METTL15: variants seen among roughly 807,000 people sequenced by gnomAD.
METTL15 encodes the protein 12S rRNA N(4)-cytidine methyltransferase METTL15.
In METTL15, 34 loss-of-function variants were observed where a neutral mutation model predicts 38.3. The observed-to-expected ratio is 0.89, with a 90% CI of 0.68 to 1.18. METTL15 has a LOEUF of 1.18. METTL15 is among the 50% of genes most tolerant of loss of function. The probability of loss-of-function intolerance (pLI) is 0.00; values close to 1 mark genes in which losing one functional copy is unlikely to be tolerated. For missense variants in METTL15, 438 were observed against 498.4 expected (o/e 0.88, Z 1.15); for synonymous variants, 162 against 170.9 (o/e 0.95, Z 0.41).
At chr11:28,259,250 A>T (rs1289533498) in intron 4 of METTL15, among the ~76,000 whole-genome samples, 2 of 151,974 alleles carry the variant, frequency 1.3e-5, no homozygotes, top group Non-Finnish European at 2.9e-5. Flanking sequence ...GGTTTCCAAG[A>T]TGCAAGACAA....
chr11:28,391,236 A>T (rs896102020), intron 5 of METTL15, among the ~76,000 whole-genome samples: 5 of 152,020 alleles, frequency 3.3e-5, no homozygotes, highest in African/African-American at 9.7e-5. Context: ...TCTCCTGCCT[A>T]ATTGCCCTGG....
Position 28,368,052 on chromosome 11 carries a change from A to T in METTL15, c.*358+6016A>T, listed in dbSNP as rs753174045. On this transcript the variant is annotated intron_variant and NMD_transcript_variant, in intron 5 of 7. Coordinates refer to the METTL15 transcript ENST00000532947. ...GGCATGGGCAAAGATTTCATGTCTAAAAACACCAAAAGCCATGGCAACAAA... is the reference window on the plus strand; with the variant it reads ...GGCATGGGCAAAGATTTCATGTCTATAAACACCAAAAGCCATGGCAACAAA... Among the ~76,000 whole-genome samples, 7 of 151,924 alleles carry T rather than the reference A, an allele frequency of 4.6e-5. No individual in the cohort carries two copies. The South Asian group carries it at 1.2e-3, about 27-fold the overall frequency.
chr11:28,226,312 G>T (rs899175778), intron 4 of METTL15, among the ~76,000 whole-genome samples: 1 of 151,652 alleles, frequency 6.6e-6, no homozygotes, highest in Non-Finnish European at 1.5e-5. Flanking sequence ...ATATCCTTGG[G>T]GACTATTTTT....
intron 3 of METTL15, among the ~76,000 whole-genome samples, chr11:28,209,760 A>G (rs1367620508): frequency 6.6e-6 from 1 of 151,980 alleles, no homozygotes; most frequent in Non-Finnish European, 1.5e-5. Context: ...TGCATGCCCA[A>G]TTTCTGACCA....
At chr11:28,213,042 G>A (rs1852707871) in intron 4 of METTL15, among the ~76,000 whole-genome samples, 1 of 151,976 alleles carries the variant, frequency 6.6e-6, no homozygotes. Flanking sequence ...TAGATGAAGT[G>A]ATTTGCTAAA....
At chr11:28,159,252 G>A (rs535216277) in intron 3 of METTL15, among the ~76,000 whole-genome samples, 66 of 152,214 alleles carry the variant, frequency 4.3e-4, no homozygotes, top group Non-Finnish European at 7.9e-4. Flanking sequence ...CTATGAAGAT[G>A]AAATCAGTCT....
intron 6 of METTL15, among the ~76,000 whole-genome samples, chr11:28,441,015 G>C (rs1242005141): frequency 1.3e-5 from 2 of 151,622 alleles, no homozygotes; most frequent in African/African-American, 4.8e-5. Context: ...TTTTTGTGGG[G>C]GCGGGGCAGG....
At chr11:28,283,989 A>G (rs1018651148) in intron 4 of METTL15, among the ~76,000 whole-genome samples, 1 of 152,210 alleles carries the variant, frequency 6.6e-6, no homozygotes, top group Non-Finnish European at 1.5e-5. Context: ...AAAAGTGGGC[A>G]TGTAATCTGC....
At chr11:28,233,689 C>A (rs1203622740) in intron 4 of METTL15, among the ~76,000 whole-genome samples, 1 of 152,034 alleles carries the variant, frequency 6.6e-6, no homozygotes, top group Non-Finnish European at 1.5e-5. Context: ...GAGTCAGTCA[C>A]TCAGCTAACA....
At chr11:28,476,405 C>G (rs983541636) in intron 6 of METTL15, among the ~76,000 whole-genome samples, 1 of 152,140 alleles carries the variant, frequency 6.6e-6, no homozygotes, top group Non-Finnish European at 1.5e-5. Context: ...AGTGGTGACT[C>G]TAACAAGACC....
chr11:28,322,554 A>G (rs1418654041), intron 6 of METTL15, among the ~76,000 whole-genome samples: 4 of 152,152 alleles, frequency 2.6e-5, no homozygotes, highest in East Asian at 1.9e-4. Flanking sequence ...CTCATATACT[A>G]TTGATGGAAG....
At chr11:28,125,363 A>C (rs906144447) in intron 3 of METTL15, 1 of 151,952 alleles carries the variant, frequency 6.6e-6, no homozygotes, top group Non-Finnish European at 1.5e-5. Context: ...TGTAGGGTCA[A>C]ATTCTCCATT....
intron 6 of METTL15, among the ~76,000 whole-genome samples, chr11:28,313,576 T>C (rs1248150979): frequency 1.3e-5 from 2 of 152,062 alleles, no homozygotes; most frequent in Non-Finnish European, 2.9e-5. Flanking sequence ...TGTAATACCA[T>C]TGTACAACTA....
At chr11:28,193,621 A>T (rs1021387884) in intron 3 of METTL15, among the ~76,000 whole-genome samples, 1 of 152,094 alleles carries the variant, frequency 6.6e-6, no homozygotes, top group Non-Finnish European at 1.5e-5. Context: ...CCCCCATTCC[A>T]TAATTGTTTA....
At chr11:28,236,091 G>T (rs1402396371) in intron 4 of METTL15, among the ~76,000 whole-genome samples, 1 of 152,116 alleles carries the variant, frequency 6.6e-6, no homozygotes, top group Non-Finnish European at 1.5e-5. Flanking sequence ...TTGGTTCTGT[G>T]TATATGCTGG....
At chr11:28,447,772 G>C (rs930478682) in intron 6 of METTL15, among the ~76,000 whole-genome samples, 45 of 152,176 alleles carry the variant, frequency 3.0e-4, no homozygotes, top group Admixed American at 1.2e-3. Flanking sequence ...AATATCTCAG[G>C]GGGAGGGAGA....
chr11:28,309,049 G>A (rs575891271), intron 6 of METTL15, among the ~76,000 whole-genome samples: 4 of 152,140 alleles, frequency 2.6e-5, no homozygotes, highest in Non-Finnish European at 4.4e-5. Context: ...TCAGACTTAT[G>A]TTTCCAAGCT....
At chr11:28,264,196 C>T (rs1218534261) in intron 4 of METTL15, among the ~76,000 whole-genome samples, 3 of 152,038 alleles carry the variant, frequency 2.0e-5, no homozygotes, top group Non-Finnish European at 4.4e-5. Context: ...CTTAATTCTC[C>T]AGTATAATAT....
chr11:28,183,048 G>T lies in METTL15; in HGVS notation c.271-28014G>T, dbSNP rs1008693502. 4.6e-5 allele frequency among the ~76,000 whole-genome samples: 7 copies of T among 151,968 alleles called. 1 individual carries two copies. In the Middle Eastern group the frequency reaches 0.017, roughly 369 times the overall value. ...TGAATGGGAGTTCACTCAATATTTG[G>T]CTCTCTGTTTGTCTGTTATTGGTGT... On this transcript the variant is annotated intron_variant, in intron 3 of 6. Transcript: ENST00000407364.
Sources: gnomAD v4.1 joint callset for allele counts (sites outside exome capture counted in the v4.1 genomes callset) on GRCh38, gnomAD v4.1.1 for gene constraint, MANE v1.5 for transcripts, NCBI Gene and HGNC (gene_info 2026-07-23, HGNC 2026-07-21) for gene names.